Variants in CCDC171 observed in about 807,000 individuals in gnomAD.
CCDC171 encodes coiled-coil domain containing 171.
A neutral mutation model predicts 168.2 loss-of-function variants in CCDC171; 177 were observed. The ratio of observed to expected loss-of-function variants is 1.05; its 90% CI spans 0.93 to 1.19. CCDC171 has a LOEUF of 1.19. Among genes scored for constraint, CCDC171 ranks in the 50% most tolerant of loss-of-function variants. The pLI is 0.00. For synonymous variants in CCDC171, 687 were observed against 540.8 expected (o/e 1.27, Z -3.75); for missense variants, 1,991 against 1,539.0 (o/e 1.29, Z -4.91).
At chr9:15,846,579 A>T (rs540643760) in intron 21 of CCDC171, 123 bp from the exon 22 acceptor site, 1 of 881,746 alleles carries the variant, frequency 1.1e-6, no homozygotes, top group African/African-American at 1.7e-5. Flanking sequence ...TTAAACTTTG[A>T]TGTGTAATGA....
intron 16 of CCDC171, among the ~76,000 whole-genome samples, chr9:15,739,466 A>G (rs2054706849): frequency 6.6e-6 from 1 of 152,138 alleles, no homozygotes; most frequent in Non-Finnish European, 1.5e-5. Context: ...GAATTAGATA[A>G]ACCCAGCTGA....
At chr9:15,687,886 C>T (rs1403550841) in intron 10 of CCDC171, among the ~76,000 whole-genome samples, 1 of 151,946 alleles carries the variant, frequency 6.6e-6, no homozygotes, top group Non-Finnish European at 1.5e-5. Flanking sequence ...CTTGGGAGGC[C>T]AAGGTGGGCA....
the CCDC171 span, among the ~76,000 whole-genome samples, chr9:16,108,220 G>A: frequency 7.2e-4 from 110 of 152,190 alleles, no homozygotes; most frequent in Non-Finnish European, 7.5e-4. Context: ...AATCAGTTGA[G>A]CTTTCCAGTC....
rs1372278442 is a variant in CCDC171, at chr9:15,784,529, G to T, written c.3102G>T (p.Lys1034Asn). The change falls in exon 21 of 26, where the codon AAG (lysine) becomes AAT (asparagine). Residue 1034 changes from lysine (K) to asparagine (N), a missense_variant. By Grantham distance (94) the Lys-to-Asn change is moderately conservative. Coordinates refer to ENST00000380701, the MANE Select transcript of CCDC171 (RefSeq NM_173550.4). ...FKQSKLITHE[K>N]FESACEELNN... Reference sequence around the variant, plus strand: ...TACAGAAATTGATCACCCATGAGAAGTTTGAAAGTGCATGTGAAGAACTAA... The same window carrying T: ...TACAGAAATTGATCACCCATGAGAATTTTGAAAGTGCATGTGAAGAACTAA... The T allele has an allele frequency of 1.2e-6, 2 of 1,612,652 alleles. No individual in the cohort carries two copies.
intron 12 of CCDC171, among the ~76,000 whole-genome samples, chr9:15,723,091 G>C (rs1238287472): frequency 1.3e-5 from 2 of 152,150 alleles, no homozygotes; most frequent in South Asian, 2.1e-4. Context: ...GGAGACCAAG[G>C]GGGTGGCTGC....
At chr9:15,997,682 C>T (rs752124268) in intron 3 of CCDC171, among the ~76,000 whole-genome samples, 2 of 152,184 alleles carry the variant, frequency 1.3e-5, no homozygotes, top group Admixed American at 6.5e-5. Flanking sequence ...CCCTTGCCCT[C>T]AGCTGTCACC....
intron 6 of CCDC171, among the ~76,000 whole-genome samples, chr9:16,033,036 C>G (rs1303708188): frequency 1.3e-5 from 2 of 152,182 alleles, no homozygotes; most frequent in African/African-American, 4.8e-5. Context: ...GGAGGGCACC[C>G]AAACCATGAG....
intron 24 of CCDC171, among the ~76,000 whole-genome samples, chr9:15,896,529 C>T (rs1820921987): frequency 1.3e-5 from 2 of 152,030 alleles, no homozygotes; most frequent in Admixed American, 1.3e-4. Context: ...TATAAAATAA[C>T]ACCAACAAAA....
At chr9:15,601,407 G>T (rs1343917381) in intron 6 of CCDC171, among the ~76,000 whole-genome samples, 1 of 152,150 alleles carries the variant, frequency 6.6e-6, no homozygotes, top group African/African-American at 2.4e-5. Flanking sequence ...TTTGTGCAGT[G>T]CTTTTCTTCC....
rs1403769508 is a variant in CCDC171 at position 15,744,775 on chromosome 9, CAAGT to C, written c.2554+2_2554+5del. On this transcript the variant is annotated splice_donor_variant and coding_sequence_variant, in exon 17 of 26. Coordinates refer to ENST00000380701, the MANE Select transcript of CCDC171 (RefSeq NM_173550.4). LOFTEE classifies it high-confidence loss of function. The stretch of plus-strand genomic sequence containing the variant: ...GAGCCCCAAGACAAGCATAAATTTC[CAAGT>C]AAGATAATTTCTGCTTTTAAAAATA... 6.2e-7 allele frequency: 1 copy of C among 1,605,110 alleles called. No homozygotes were observed. The highest frequency in any genetic ancestry group is 1.7e-5 in the Admixed American group (1 of 58,880).
intron 7 of CCDC171, among the ~76,000 whole-genome samples, chr9:15,639,089 C>T (rs185852324): frequency 5.8e-4 from 88 of 152,134 alleles, no homozygotes; most frequent in African/African-American, 2.0e-3. Flanking sequence ...TAGCATCTTT[C>T]TCTAAATGCG....
At chr9:15,799,443 A>T (rs1474175806) in intron 21 of CCDC171, among the ~76,000 whole-genome samples, 1 of 151,048 alleles carries the variant, frequency 6.6e-6, no homozygotes, top group Middle Eastern at 3.2e-3. Context: ...GGTTTTGTAA[A>T]GGTTTTCTTT....
chr9:15,795,654 C>T (rs930685320), intron 21 of CCDC171, among the ~76,000 whole-genome samples: 2 of 152,114 alleles, frequency 1.3e-5, no homozygotes, highest in Non-Finnish European at 2.9e-5. Context: ...AGGCTTTAAG[C>T]CTCAGAGACT....
At chr9:15,907,611 G>A (rs919727470) in intron 24 of CCDC171, among the ~76,000 whole-genome samples, 3 of 152,172 alleles carry the variant, frequency 2.0e-5, no homozygotes, top group Non-Finnish European at 4.4e-5. Context: ...AGGACTTCAT[G>A]TCTAAAACAC....
At chr9:15,691,014 T>G (rs990782147) in intron 10 of CCDC171, among the ~76,000 whole-genome samples, 3 of 152,176 alleles carry the variant, frequency 2.0e-5, no homozygotes, top group Non-Finnish European at 4.4e-5. Context: ...TATAACTGAT[T>G]AGAGAGTAAT....
chr9:15,738,668 A>C (rs889036758), intron 16 of CCDC171, among the ~76,000 whole-genome samples: 2 of 152,026 alleles, frequency 1.3e-5, no homozygotes, highest in African/African-American at 4.8e-5. Context: ...CCACCCTTAC[A>C]ATCAAACAGG....
intron 20 of CCDC171, among the ~76,000 whole-genome samples, chr9:15,783,133 A>G (rs558676263): frequency 1.4e-4 from 22 of 152,282 alleles, no homozygotes; most frequent in Middle Eastern, 3.4e-3. Flanking sequence ...CAGGCAGGGT[A>G]CCTGGTGCCA....
At chr9:15,650,912 T>A (rs1342014875) in intron 7 of CCDC171, among the ~76,000 whole-genome samples, 1 of 152,054 alleles carries the variant, frequency 6.6e-6, no homozygotes, top group Non-Finnish European at 1.5e-5. Context: ...TACATTGTTG[T>A]TAACTGTAGT....
chr9:15,649,214 G>A (rs2047300396), intron 7 of CCDC171, among the ~76,000 whole-genome samples: 1 of 152,166 alleles, frequency 6.6e-6, no homozygotes, highest in Admixed American at 6.5e-5. Flanking sequence ...GCTGAAGCTG[G>A]ATTCCTTCCT....
Sources: gnomAD v4.1 joint callset for allele counts (sites outside exome capture counted in the v4.1 genomes callset) on GRCh38, gnomAD v4.1.1 for gene constraint, MANE v1.5 for transcripts, NCBI Gene and HGNC (gene_info 2026-07-23, HGNC 2026-07-21) for gene names.